Variants in ATP8A2 observed in about 807,000 individuals in gnomAD.
ATP8A2 encodes ATPase phospholipid transporting 8A2.
ATP8A2 carries 100 observed loss-of-function variants against 165.6 expected under a neutral mutation model. The ratio of observed to expected loss-of-function variants is 0.60; its 90% CI spans 0.51 to 0.71. The LOEUF is 0.71. Among genes scored for constraint, ATP8A2 ranks in the 30% least tolerant of loss-of-function variants. The pLI, the probability that ATP8A2 is intolerant of heterozygous loss-of-function variation, is 0.00. For synonymous variants in ATP8A2, 543 were observed against 548.8 expected (o/e 0.99, Z 0.15); for missense variants, 1,227 against 1,479.5 (o/e 0.83, Z 2.80).
chr13:25,796,686 C>G (rs1260335082), intron 27 of ATP8A2, among the ~76,000 whole-genome samples: 2 of 152,182 alleles, frequency 1.3e-5, no homozygotes, highest in African/African-American at 4.8e-5. Context: ...ACACAGAGCC[C>G]TTATCTGGAT....
chr13:25,731,745 C>G (rs1463469020), intron 25 of ATP8A2, among the ~76,000 whole-genome samples: 1 of 152,206 alleles, frequency 6.6e-6, no homozygotes, highest in East Asian at 1.9e-4. Flanking sequence ...AACTAACACT[C>G]GCAGAAATGA....
intron 10 of ATP8A2, among the ~76,000 whole-genome samples, chr13:25,544,473 C>T (rs927011195): frequency 1.3e-5 from 2 of 152,022 alleles, no homozygotes; most frequent in Non-Finnish European, 2.9e-5. Context: ...TTGGTGGCCA[C>T]CGCAGCTAGT....
At chr13:25,453,886 T>C (rs968622925) in intron 1 of ATP8A2, among the ~76,000 whole-genome samples, 1 of 152,122 alleles carries the variant, frequency 6.6e-6, no homozygotes, top group Non-Finnish European at 1.5e-5. Context: ...CAGATCTGTG[T>C]TTTTTGATAG....
intron 1 of ATP8A2, among the ~76,000 whole-genome samples, chr13:25,403,884 G>A (rs1593261322): frequency 6.6e-6 from 1 of 152,028 alleles, no homozygotes; most frequent in African/African-American, 2.4e-5. Flanking sequence ...CAAAATTATC[G>A]GTTTGCTTTA....
At chr13:25,848,523 G>A (rs925603915) in intron 30 of ATP8A2, among the ~76,000 whole-genome samples, 7 of 152,170 alleles carry the variant, frequency 4.6e-5, no homozygotes, top group African/African-American at 1.2e-4. Flanking sequence ...TTTACTTTGC[G>A]TCATTTTTAC....
At chr13:25,735,869 T>C (rs958631010) in intron 25 of ATP8A2, among the ~76,000 whole-genome samples, 1 of 152,204 alleles carries the variant, frequency 6.6e-6, no homozygotes, top group African/African-American at 2.4e-5. Context: ...GGTACAGTAA[T>C]ATCCTAGGTC....
At chr13:25,449,674 C>T (rs1159064259) in intron 1 of ATP8A2, among the ~76,000 whole-genome samples, 2 of 152,166 alleles carry the variant, frequency 1.3e-5, no homozygotes, top group Admixed American at 6.5e-5. Flanking sequence ...AGTATAATTG[C>T]GGGTTTTTCT....
intron 1 of ATP8A2, among the ~76,000 whole-genome samples, chr13:25,412,676 A>T (rs2138065806): frequency 6.6e-6 from 1 of 152,336 alleles, no homozygotes; most frequent in East Asian, 1.9e-4. Flanking sequence ...AATGGTAAAA[A>T]GGAGGTAGGG....
intron 28 of ATP8A2, among the ~76,000 whole-genome samples, chr13:25,832,501 A>G (rs1334057684): frequency 6.6e-6 from 1 of 152,222 alleles, no homozygotes; most frequent in Admixed American, 6.5e-5. Flanking sequence ...TATTAAAAGA[A>G]AAAGTATGTG....
At chr13:25,738,417 G>A (rs925945251) in intron 25 of ATP8A2, among the ~76,000 whole-genome samples, 8 of 141,116 alleles carry the variant, frequency 5.7e-5, no homozygotes, top group African/African-American at 2.1e-4. Flanking sequence ...TTTGGAATTT[G>A]TTACATCCTG....
At chr13:25,979,884 C>G (rs2139251807) in intron 35 of ATP8A2, among the ~76,000 whole-genome samples, 1 of 152,254 alleles carries the variant, frequency 6.6e-6, no homozygotes, top group African/African-American at 2.4e-5. Flanking sequence ...ATGTCTTTTC[C>G]TCATCCATTA....
rs187187547 is a variant in ATP8A2, at chr13:25,771,549, G to A, written c.2568+2320G>A. ...GCTTTACTGGAACTGCATAGGAATA[G>A]GATGTGTTATCCAGAGCAATTGCTC... On this transcript the variant is annotated intron_variant, in intron 26 of 36. Transcript: ENST00000381655. Among the ~76,000 whole-genome samples, 440 of 152,332 alleles carry A rather than the reference G, an allele frequency of 2.9e-3. 2 individuals are homozygous for A. The highest frequency in any genetic ancestry group is 6.2e-3 in the Admixed American group (95 of 15,302).
intron 27 of ATP8A2, among the ~76,000 whole-genome samples, chr13:25,791,527 A>AC: frequency 1.8e-5 from 2 of 112,242 alleles, no homozygotes; most frequent in African/African-American, 6.3e-5. Context: ...CCCCGAACTT[A>AC]AACACACACA....
intron 34 of ATP8A2, among the ~76,000 whole-genome samples, chr13:25,963,642 G>A (rs1222791272): frequency 6.6e-6 from 1 of 152,156 alleles, no homozygotes; most frequent in Non-Finnish European, 1.5e-5. Context: ...TTTTAATTCA[G>A]CTATCTCAAA....
chr13:25,831,624 C>T (rs898591286), intron 28 of ATP8A2, among the ~76,000 whole-genome samples: 1 of 152,056 alleles, frequency 6.6e-6, no homozygotes, highest in Non-Finnish European at 1.5e-5. Flanking sequence ...AGGTGGATCA[C>T]CTGAGGTCAA....
chr13:25,757,025 T>G (rs2044277686), intron 25 of ATP8A2, among the ~76,000 whole-genome samples: 2 of 152,118 alleles, frequency 1.3e-5, no homozygotes, highest in South Asian at 4.1e-4. Context: ...CTCATTAATA[T>G]GTTCACACAT....
intron 33 of ATP8A2, among the ~76,000 whole-genome samples, chr13:25,960,409 G>A (rs770074172): frequency 1.8e-4 from 27 of 152,130 alleles, no homozygotes; most frequent in Admixed American, 1.3e-4. Context: ...TCCCACAGGT[G>A]GTTAATTGTG....
At chr13:25,995,804 C>T (rs578031413) in intron 35 of ATP8A2, among the ~76,000 whole-genome samples, 1 of 152,110 alleles carries the variant, frequency 6.6e-6, no homozygotes, top group Admixed American at 6.5e-5. Flanking sequence ...TGGTTGATGG[C>T]GTTTGGCAGT....
At chr13:25,911,990 A>G (rs950760455) in intron 33 of ATP8A2, among the ~76,000 whole-genome samples, 2 of 152,248 alleles carry the variant, frequency 1.3e-5, no homozygotes, top group Non-Finnish European at 2.9e-5. Context: ...TAGAATTGTC[A>G]TATGATCCAA....
Sources: allele counts gnomAD v4.1 joint callset (sites outside exome capture counted in the v4.1 genomes callset), GRCh38; gene constraint gnomAD v4.1.1; transcripts MANE v1.5; gene names NCBI Gene and HGNC (gene_info 2026-07-23, HGNC 2026-07-21).